ZBTB20: variants seen among roughly 807,000 people sequenced by gnomAD.
ZBTB20 encodes zinc finger and BTB domain containing 20.
Under a neutral mutation model 56.9 loss-of-function variants are expected in ZBTB20, and 9 were observed. The ratio of observed to expected loss-of-function variants is 0.16; its 90% CI spans 0.10 to 0.28. The LOEUF is 0.28. Among genes scored for constraint, ZBTB20 ranks in the 10% least tolerant of loss-of-function variants. ZBTB20 has a pLI of 1.00. For synonymous variants in ZBTB20, 417 were observed against 420.7 expected, an observed-to-expected ratio of 0.99 and a Z score of 0.11; for missense variants, 655 against 1,003.0, an observed-to-expected ratio of 0.65 and a Z score of 4.69.
At chr3:114,427,991 TG>T (rs1295393680) in intron 7 of ZBTB20, among the ~76,000 whole-genome samples, 1 of 152,158 alleles carries the variant, frequency 6.6e-6, no homozygotes, top group Admixed American at 6.6e-5. Context: ...TCACGGGGAC[TG>T]GGGGGCATGC....
chr3:114,792,242 C>A (rs927372928), intron 5 of ZBTB20: 1 of 152,074 alleles, frequency 6.6e-6, no homozygotes, highest in Non-Finnish European at 1.5e-5. Context: ...TTGTTGAAAA[C>A]ATTTTTTTTT....
At chr3:114,550,676 A>G (rs1702304305) in intron 6 of ZBTB20, among the ~76,000 whole-genome samples, 1 of 151,950 alleles carries the variant, frequency 6.6e-6, no homozygotes, top group African/African-American at 2.4e-5. Flanking sequence ...TGATCTCTTT[A>G]TTTTCCTTCA....
At chr3:114,945,698 C>T (rs942158512) in intron 3 of ZBTB20, among the ~76,000 whole-genome samples, 18 of 145,022 alleles carry the variant, frequency 1.2e-4, no homozygotes, top group Admixed American at 4.6e-4. Context: ...CAAATATTAG[C>T]AAGTGCAGTT....
intron 2 of ZBTB20, among the ~76,000 whole-genome samples, chr3:115,024,513 C>T (rs1352907244): frequency 6.6e-6 from 1 of 151,090 alleles, no homozygotes; most frequent in Admixed American, 6.6e-5. Context: ...GTTATTGAAT[C>T]CCATTTTCCC....
At chr3:114,435,876 A>C (rs1225219740) in intron 7 of ZBTB20, among the ~76,000 whole-genome samples, 1 of 152,146 alleles carries the variant, frequency 6.6e-6, no homozygotes, top group East Asian at 1.9e-4. Context: ...CTCATCTGAA[A>C]ATGCTGAAAA....
chr3:114,632,948 G>A (rs762165370), intron 6 of ZBTB20, among the ~76,000 whole-genome samples: 1 of 152,134 alleles, frequency 6.6e-6, no homozygotes, highest in Non-Finnish European at 1.5e-5. Context: ...AACTGTGCAG[G>A]CCAAACATTT....
chr3:114,371,241 T>A (rs2082969666), intron 10 of ZBTB20, among the ~76,000 whole-genome samples: 2 of 152,312 alleles, frequency 1.3e-5, no homozygotes, highest in African/African-American at 4.8e-5. Flanking sequence ...TAGATATTAC[T>A]GTTAACTGGA....
At chr3:114,397,225 ACCTATG>A (rs1239598933) in intron 7 of ZBTB20, among the ~76,000 whole-genome samples, 2 of 152,050 alleles carry the variant, frequency 1.3e-5, no homozygotes, top group Non-Finnish European at 2.9e-5. Context: ...TGCTACCTGG[ACCTATG>A]CTCCTGCCCA....
intron 3 of ZBTB20, among the ~76,000 whole-genome samples, chr3:114,920,094 A>G (rs2075900232): frequency 6.6e-6 from 1 of 152,210 alleles, no homozygotes; most frequent in South Asian, 2.1e-4. Flanking sequence ...GCACATATAC[A>G]TGCACTCAAC....
At chr3:114,392,088 AG>A (rs1171106724) in intron 7 of ZBTB20, among the ~76,000 whole-genome samples, 1 of 152,236 alleles carries the variant, frequency 6.6e-6, no homozygotes, top group Non-Finnish European at 1.5e-5. Flanking sequence ...AAAACAAGGA[AG>A]CAAAGTTTTC....
chr3:115,118,703 ATTTTTT>A lies in ZBTB20; in HGVS notation c.-703+28510_-703+28515del, dbSNP rs35607205. 8.5e-5 allele frequency among the ~76,000 whole-genome samples: 7 copies of A among 82,206 alleles called. No individual in the cohort carries two copies. The South Asian group carries it at 2.1e-3, about 25-fold the overall frequency. 53.9% of individuals were successfully genotyped at this position (82,206 alleles called of 152,430 possible). ...GGACCTAAAACTTTACCTGGTACAA[ATTTTTT>A]TTTTTTTTTTTTTTTTTTTTTTTTT... is the stretch of plus-strand genomic sequence containing the variant. On this transcript the variant is annotated intron_variant, in intron 1 of 11. Coordinates refer to ENST00000675478, the MANE Select transcript of ZBTB20 (RefSeq NM_001348800.3).
intron 3 of ZBTB20, among the ~76,000 whole-genome samples, chr3:114,950,927 A>G (rs2077045143): frequency 6.6e-6 from 1 of 152,196 alleles, no homozygotes; most frequent in South Asian, 2.1e-4. Context: ...TGTGAGCACA[A>G]GAAGCCACAT....
In ZBTB20 at chr3:114,618,079, G is replaced by GTT. The variant is rs34473856; in HGVS notation, c.-295+75447_-295+75448dup. ...AACTACAAGGAGAACAAAGATTTCT[G>GTT]TTTTTTTTTTTCTAAATCTACTGCA... is the stretch of plus-strand genomic sequence containing the variant. On this transcript the variant is annotated intron_variant, in intron 6 of 11. Transcript: ENST00000675478. Among the ~76,000 whole-genome samples, 327 of 146,882 alleles carry GTT rather than the reference G, an allele frequency of 2.2e-3. 9 individuals carry two copies. In the East Asian group the frequency reaches 0.04, roughly 18 times the overall value.
At chr3:114,756,077 G>T (rs898960604) in intron 5 of ZBTB20, among the ~76,000 whole-genome samples, 2 of 151,292 alleles carry the variant, frequency 1.3e-5, no homozygotes, top group South Asian at 4.2e-4. Context: ...CATGTATTTT[G>T]CTGCAATCAT....
At chr3:114,697,074 AAAG>A (rs1363874563) in intron 5 of ZBTB20, among the ~76,000 whole-genome samples, 10 of 129,470 alleles carry the variant, frequency 7.7e-5, no homozygotes, top group South Asian at 2.7e-4. Flanking sequence ...AAAAAAAAAA[AAAG>A]AAGAAGAAAG....
chr3:114,352,961 G>A (rs978090962), intron 10 of ZBTB20, among the ~76,000 whole-genome samples: 1 of 152,116 alleles, frequency 6.6e-6, no homozygotes, highest in Non-Finnish European at 1.5e-5. Context: ...CTGACCCAGC[G>A]CCACCCTATA....
rs535104805 is a variant in ZBTB20 at position 114,739,442 on chromosome 3, T to C, written c.-342-45867A>G. ...ATTTCTTCTATTAGTTTAAAAAACA[T>C]AGTCCACCATCACAGGGCCCTGTTT... On this transcript the variant is annotated intron_variant, in intron 5 of 11. Transcript: ENST00000675478. Among the ~76,000 whole-genome samples, 3 of 152,292 alleles carry C rather than the reference T, an allele frequency of 2.0e-5. No homozygotes were observed. In the East Asian group the frequency reaches 5.8e-4, roughly 29 times the overall value.
At chr3:114,687,061 A>C (rs1448494117) in intron 6 of ZBTB20, among the ~76,000 whole-genome samples, 1 of 152,210 alleles carries the variant, frequency 6.6e-6, no homozygotes, top group Admixed American at 6.6e-5. Context: ...AGCAAACCAC[A>C]GCATGGGTCT....
At chr3:114,581,549 C>G (rs2054631374) in intron 6 of ZBTB20, among the ~76,000 whole-genome samples, 1 of 151,972 alleles carries the variant, frequency 6.6e-6, no homozygotes, top group Non-Finnish European at 1.5e-5. Context: ...ATTACAACAA[C>G]AGCAACAACT....
Sources: allele counts gnomAD v4.1 joint callset (sites outside exome capture counted in the v4.1 genomes callset), GRCh38; gene constraint gnomAD v4.1.1; transcripts MANE v1.5; gene names NCBI Gene and HGNC (gene_info 2026-07-23, HGNC 2026-07-21).